The following COL18A1 variants were observed in gnomAD, a reference collection of about 807,000 sequenced individuals.
The protein encoded by COL18A1 is collagen type XVIII alpha 1 chain, also known as collagen alpha-1(XVIII) chain.
A neutral mutation model predicts 168.0 loss-of-function variants in COL18A1; 133 were observed. The observed-to-expected ratio is 0.79, with a 90% CI of 0.69 to 0.91. The LOEUF is 0.91. Among genes scored for constraint, COL18A1 ranks in the 40% least tolerant of loss-of-function variants. The probability of loss-of-function intolerance (pLI) is 0.00; values close to 1 mark genes in which losing one functional copy is unlikely to be tolerated. For synonymous variants in COL18A1, 949 were observed against 809.0 expected (o/e 1.17, Z -2.94); for missense variants, 2,126 against 1,925.4 (o/e 1.10, Z -1.95).
In COL18A1 at chr21:45,497,584, T is replaced by G. The variant is rs1332244909; in HGVS notation, c.2621-15T>G. Reference sequence around the variant, plus strand: ...TGGCACATTCCTGATGGGCACTGGGTCTCTCTTCCTCCAGGGAATCAGGGC... The same window carrying G: ...TGGCACATTCCTGATGGGCACTGGGGCTCTCTTCCTCCAGGGAATCAGGGC... On this transcript the variant is annotated splice_polypyrimidine_tract_variant and intron_variant, in intron 31 of 41. Transcript: ENST00000651438. 5 of 1,555,858 alleles carry G rather than the reference T, an allele frequency of 3.2e-6. No homozygotes were observed. In the African/African-American group the frequency reaches 6.8e-5, roughly 21 times the overall value.
chr21:45,500,046 C>T (rs1183658259), intron 32 of COL18A1, among the ~76,000 whole-genome samples: 7 of 151,830 alleles, frequency 4.6e-5, no homozygotes, highest in Admixed American at 4.6e-4. Context: ...CTGGAGAGGT[C>T]GAGGCACCCA....
Position 45,430,244 on chromosome 21 carries a change from A to G in COL18A1, c.106+24771A>G, listed in dbSNP as rs2033920181. Among the ~76,000 whole-genome samples, 4 of 151,336 alleles carry G rather than the reference A, an allele frequency of 2.6e-5. No homozygotes were observed. In the South Asian group the frequency reaches 8.4e-4, roughly 32 times the overall value. Reference sequence around the variant, plus strand: ...CCTCTCCTGTATGTGAAGTGGGGTCATGGTTTGGGGGCCGCCATCTTTCTA... The same window carrying G: ...CCTCTCCTGTATGTGAAGTGGGGTCGTGGTTTGGGGGCCGCCATCTTTCTA... On this transcript the variant is annotated intron_variant, in intron 2 of 41. Coordinates refer to ENST00000651438, the MANE Select transcript of COL18A1 (RefSeq NM_001379500.1).
intron 26 of COL18A1, chr21:45,494,204 G>C: frequency 4.0e-6 from 2 of 501,842 alleles, no homozygotes; most frequent in Non-Finnish European, 7.3e-6. Context: ...CTGTGCATTG[G>C]AGCTGGGGCC....
At chr21:45,412,685 A>C (rs956975915) in intron 2 of COL18A1, among the ~76,000 whole-genome samples, 5 of 152,182 alleles carry the variant, frequency 3.3e-5, no homozygotes, top group Admixed American at 6.5e-5. Flanking sequence ...CACTTTGCTC[A>C]TCTGTGGTGC....
rs568672967 is a variant in COL18A1, at chr21:45,434,517, G to A, written c.106+29044G>A. The stretch of plus-strand genomic sequence containing the variant: ...GCTGGGACTCCCTGCCTGAGTCGGG[G>A]TGAGGGCTTCCCGTGGCTCTGTGAG... On this transcript the variant is annotated intron_variant, in intron 2 of 41. Transcript: ENST00000651438. Among the ~76,000 whole-genome samples the A allele has an allele frequency of 5.9e-5, 9 of 152,354 alleles. No individual in the cohort carries two copies. In the East Asian group the frequency reaches 1.5e-3, roughly 26 times the overall value.
chr21:45,486,426 G>C (rs1389747254), intron 15 of COL18A1, among the ~76,000 whole-genome samples: 1 of 84,176 alleles, frequency 1.2e-5, no homozygotes, highest in Non-Finnish European at 2.3e-5. Context: ...CTGGTCCCAG[G>C]GTCCTGAGCC....
intron 2 of COL18A1, among the ~76,000 whole-genome samples, chr21:45,434,507 C>T (rs886339085): frequency 2.0e-5 from 3 of 152,204 alleles, no homozygotes; most frequent in African/African-American, 7.2e-5. Flanking sequence ...GACTCCCTGC[C>T]TGAGTCGGGG....
rs374977024 is a variant in COL18A1 at position 45,437,888 on chromosome 21, GCA to G, written c.107-30344_107-30343del. Among the ~76,000 whole-genome samples, 53 of 44,540 alleles carry G rather than the reference GCA, an allele frequency of 1.2e-3. 5 individuals are homozygous for G. Among genetic ancestry groups the G allele is most frequent in the South Asian group, 1.7e-3 (2 of 1,172 alleles). 29.2% of individuals were successfully genotyped at this position (44,540 alleles called of 152,430 possible). A position where few individuals can be genotyped will look rare whatever the true frequency, so the allele number is the denominator to read the frequency against. On this transcript the variant is annotated intron_variant, in intron 2 of 41. Coordinates refer to ENST00000651438, the MANE Select transcript of COL18A1 (RefSeq NM_001379500.1). ...CACTCAGACACACAGGCACTCTCCT[GCA>G]CACACACACTCACTCAGACACAGGC... is the stretch of plus-strand genomic sequence containing the variant.
intron 37 of COL18A1, chr21:45,506,290 C>T (rs1208811569): frequency 7.9e-6 from 3 of 380,390 alleles, no homozygotes; most frequent in East Asian, 6.4e-5. Context: ...CCTGACGGGA[C>T]GAGGCGGCAG....
chr21:45,421,434 G>A (rs1202558899), intron 2 of COL18A1: 1 of 534,560 alleles, frequency 1.9e-6, no homozygotes, highest in Non-Finnish European at 3.8e-6. Context: ...AGTGTTGGGG[G>A]CTGTGTTGCA....
chr21:45,465,279 C>T (rs978525848), intron 2 of COL18A1, among the ~76,000 whole-genome samples: 1 of 152,218 alleles, frequency 6.6e-6, no homozygotes, highest in Admixed American at 6.5e-5. Flanking sequence ...GGTTTTGGGT[C>T]AGCGCTGACG....
At chr21:45,435,270 T>G (rs965601252) in intron 2 of COL18A1, among the ~76,000 whole-genome samples, 550 of 27,086 alleles carry the variant, frequency 0.02, no homozygotes, top group Admixed American at 0.032. Flanking sequence ...AAGAAGGGGG[T>G]GGGGGGAGGG....
In COL18A1 at chr21:45,453,636, C is replaced by G. The variant is rs74954577; in HGVS notation, c.107-14606C>G. Among the ~76,000 whole-genome samples the G allele has an allele frequency of 5.9e-3, 902 of 152,106 alleles. 12 individuals carry two copies. The highest frequency in any genetic ancestry group is 0.02 in the African/African-American group (846 of 41,462). ...TGGTGGACAGGAAGCTCTCAAAGCACTTAGAGGTGGAGGAGTCCTGGACAG... is the reference window on the plus strand; with the variant it reads ...TGGTGGACAGGAAGCTCTCAAAGCAGTTAGAGGTGGAGGAGTCCTGGACAG... On this transcript the variant is annotated intron_variant, in intron 2 of 41. Transcript: ENST00000651438.
intron 39 of COL18A1, 98 bp from the exon 40 acceptor site, chr21:45,509,966 G>A (rs2037476879): frequency 1.1e-5 from 15 of 1,382,412 alleles, no homozygotes; most frequent in Non-Finnish European, 1.5e-5. Flanking sequence ...CCTCGGCCGT[G>A]CCTGTCCACA....
intron 2 of COL18A1, chr21:45,408,624 G>A (rs2033193080): frequency 6.6e-6 from 1 of 152,352 alleles, no homozygotes; most frequent in Non-Finnish European, 1.5e-5. Context: ...GCAGCCCAGA[G>A]AGAGGGGCCC....
chr21:45,487,409 G>A (rs758275053), intron 16 of COL18A1, 38 bp from the exon 17 acceptor site: 2 of 1,608,426 alleles, frequency 1.2e-6, no homozygotes, highest in Non-Finnish European at 1.7e-6. Flanking sequence ...CCCTAAGAAG[G>A]GACACAGGCC....
chr21:45,487,393 G>C, intron 16 of COL18A1, 54 bp from the exon 17 acceptor site: 1 of 1,593,186 alleles, frequency 6.3e-7, no homozygotes, highest in Non-Finnish European at 8.6e-7. Context: ...CCAGGGAGGG[G>C]TCCTTCCCTA....
At chr21:45,434,736 G>A (rs2034054213) in intron 2 of COL18A1, among the ~76,000 whole-genome samples, 1 of 152,214 alleles carries the variant, frequency 6.6e-6, no homozygotes, top group Non-Finnish European at 1.5e-5. Context: ...GGGCTGACTG[G>A]CAGTGGGGAG....
chr21:45,419,354 C>T (rs949736749), intron 2 of COL18A1, among the ~76,000 whole-genome samples: 8 of 151,360 alleles, frequency 5.3e-5, no homozygotes, highest in East Asian at 3.9e-4. Flanking sequence ...TAGTGATGCG[C>T]GATGCCGTGT....
Sources: allele counts gnomAD v4.1 joint callset (sites outside exome capture counted in the v4.1 genomes callset), GRCh38; gene constraint gnomAD v4.1.1; transcripts MANE v1.5; gene names NCBI Gene and HGNC (gene_info 2026-07-23, HGNC 2026-07-21).